KAZN: variants seen among roughly 807,000 people sequenced by gnomAD.
The protein encoded by KAZN is kazrin.
In KAZN, 40 loss-of-function variants were observed where a neutral mutation model predicts 87.4. The observed-to-expected ratio is 0.46, with a 90% confidence interval of 0.36 to 0.60. The LOEUF is 0.60. Among genes scored for constraint, KAZN ranks in the 20% least tolerant of loss-of-function variants. KAZN has a pLI of 0.00. For synonymous variants in KAZN, 466 were observed against 458.3 expected (o/e 1.02, Z -0.22); for missense variants, 898 against 1,073.9 (o/e 0.84, Z 2.29).
chr1:14,470,680 G>C (rs751951674), intron 2 of KAZN, among the ~76,000 whole-genome samples: 63 of 152,220 alleles, frequency 4.1e-4, no homozygotes, highest in Non-Finnish European at 8.7e-4. Flanking sequence ...TGCAGGAAAA[G>C]GAAGGTAGAG....
chr1:14,078,833 C>T lies in KAZN; in HGVS notation c.92-101602C>T, dbSNP rs556826209. Among the ~76,000 whole-genome samples the T allele has an allele frequency of 7.2e-5, 11 of 152,216 alleles. No individual in the cohort carries two copies. The South Asian group carries it at 1.0e-3, about 14-fold the overall frequency. On this transcript the variant is annotated intron_variant, in intron 1 of 16. Coordinates refer to the KAZN transcript ENST00000636203. ...CCTGGTAGCTGGGATTACAGGCACG[C>T]GCCACCACACCTGGCTAATTTTTAT...
intron 1 of KAZN, among the ~76,000 whole-genome samples, chr1:14,051,523 T>C (rs1642328598): frequency 6.6e-6 from 1 of 152,204 alleles, no homozygotes; most frequent in Non-Finnish European, 1.5e-5. Context: ...ATTATCTGTT[T>C]CTCTTCAACT....
intron 2 of KAZN, among the ~76,000 whole-genome samples, chr1:14,415,284 C>T (rs369838911): frequency 1.8e-4 from 27 of 151,748 alleles, no homozygotes; most frequent in African/African-American, 5.6e-4. Flanking sequence ...AGTATTAATC[C>T]GGACAATATG....
chr1:14,327,464 G>A (rs1178112892), intron 2 of KAZN, among the ~76,000 whole-genome samples: 2 of 152,022 alleles, frequency 1.3e-5, no homozygotes, highest in African/African-American at 4.8e-5. Flanking sequence ...CCCCTAGCGG[G>A]CCTCAGTCTC....
intron 2 of KAZN, among the ~76,000 whole-genome samples, chr1:14,578,094 C>T (rs1484620564): frequency 6.6e-6 from 1 of 152,080 alleles, no homozygotes; most frequent in African/African-American, 2.4e-5. Flanking sequence ...TCAATGAGCT[C>T]CTTCGGATTG....
At position 14,497,335 on chromosome 1, in the gene KAZN, T is replaced by TA. The variant is rs70997150; in HGVS notation, c.250-101620dup. 3.0e-3 allele frequency among the ~76,000 whole-genome samples: 227 copies of TA among 76,440 alleles called. 6 individuals carry two copies. The highest frequency in any genetic ancestry group is 0.023 in the East Asian group (42 of 1,822). 50.1% of individuals were successfully genotyped at this position (76,440 alleles called of 152,430 possible). ...TCTATGCTTTACTTAATTCTGTTAC[T>TA]AAAAAAAAAAAAAAAAAAAAAAAAA... On this transcript the variant is annotated intron_variant, in intron 2 of 16. Coordinates refer to the KAZN transcript ENST00000636203.
chr1:14,876,048 T>C (rs577198735), intron 1 of KAZN, among the ~76,000 whole-genome samples: 5 of 152,314 alleles, frequency 3.3e-5, no homozygotes, highest in Admixed American at 3.3e-4. Context: ...AAAGCAGTTG[T>C]TTGACTGAGG....
intron 8 of KAZN, among the ~76,000 whole-genome samples, chr1:15,074,884 T>G (rs1639670397): frequency 6.6e-6 from 1 of 152,142 alleles, no homozygotes; most frequent in Admixed American, 6.5e-5. Flanking sequence ...CAGGCCAATA[T>G]GTATACAAGG....
intron 1 of KAZN, among the ~76,000 whole-genome samples, chr1:13,895,368 G>A (rs748678270): frequency 1.3e-5 from 2 of 152,044 alleles, no homozygotes; most frequent in African/African-American, 2.4e-5. Flanking sequence ...AAGGCACGTC[G>A]GATTTCTAAA....
chr1:13,981,783 C>G (rs1288942820), intron 1 of KAZN, among the ~76,000 whole-genome samples: 5 of 152,116 alleles, frequency 3.3e-5, no homozygotes, highest in Admixed American at 3.3e-4. Context: ...CAGCAGGGGG[C>G]CCCTGTGGAA....
intron 2 of KAZN, among the ~76,000 whole-genome samples, chr1:14,507,447 A>C (rs764484450): frequency 6.6e-6 from 1 of 152,212 alleles, no homozygotes; most frequent in Non-Finnish European, 1.5e-5. Flanking sequence ...GTTTCTATGG[A>C]AACAAAAGTT....
At chr1:14,241,914 C>A (rs1165599665) in intron 2 of KAZN, among the ~76,000 whole-genome samples, 1 of 152,190 alleles carries the variant, frequency 6.6e-6, no homozygotes, top group Non-Finnish European at 1.5e-5. Flanking sequence ...TACCCCACCC[C>A]CAAAGTGTGC....
intron 1 of KAZN, among the ~76,000 whole-genome samples, chr1:13,950,934 A>C (rs578042510): frequency 6.6e-6 from 1 of 152,256 alleles, no homozygotes; most frequent in East Asian, 1.9e-4. Context: ...AAGATGTGAT[A>C]GTGTTGCAGT....
intron 1 of KAZN, among the ~76,000 whole-genome samples, chr1:14,105,398 A>G (rs1644346463): frequency 6.6e-6 from 1 of 152,150 alleles, no homozygotes; most frequent in Non-Finnish European, 1.5e-5. Flanking sequence ...AGCACATGCA[A>G]AGGCCCTGGG....
intron 2 of KAZN, among the ~76,000 whole-genome samples, chr1:14,288,230 A>G (rs961554638): frequency 6.6e-6 from 1 of 152,030 alleles, no homozygotes; most frequent in Non-Finnish European, 1.5e-5. Context: ...TTTTCTATTG[A>G]TTGGAATAGT....
Position 15,114,468 on chromosome 1 carries a change from C to T in KAZN, c.2164-3C>T, listed in dbSNP as rs1022449799. The T allele has an allele frequency of 1.9e-6, 3 of 1,607,112 alleles. No individual in the cohort carries two copies. The highest frequency in any genetic ancestry group is 2.6e-6 in the Non-Finnish European group (3 of 1,176,222). On this transcript the variant is annotated splice_polypyrimidine_tract_variant and splice_region_variant and intron_variant, in intron 14 of 14. Transcript: ENST00000376030. ...TCCTTTGATCATATTCTTCTCTTCT[C>T]AGCTGCCCCTGGGGAAGATAGGAAG... is the stretch of plus-strand genomic sequence containing the variant.
intron 1 of KAZN, among the ~76,000 whole-genome samples, chr1:14,131,823 C>G (rs1481939830): frequency 6.6e-6 from 1 of 152,084 alleles, no homozygotes; most frequent in East Asian, 1.9e-4. Context: ...TTCTACTTGG[C>G]TTTGTCCTCT....
chr1:14,511,907 GC>G (rs1670926618), intron 2 of KAZN, among the ~76,000 whole-genome samples: 1 of 152,106 alleles, frequency 6.6e-6, no homozygotes, highest in East Asian at 1.9e-4. Context: ...TTAAACATCA[GC>G]ATTCTAAAGA....
intron 1 of KAZN, among the ~76,000 whole-genome samples, chr1:13,933,368 T>G (rs1640601766): frequency 6.6e-6 from 1 of 152,098 alleles, no homozygotes; most frequent in Non-Finnish European, 1.5e-5. Context: ...GGCGCATGAC[T>G]GTAATCCCAG....
Sources: gnomAD v4.1 joint callset for allele counts (sites outside exome capture counted in the v4.1 genomes callset) on GRCh38, gnomAD v4.1.1 for gene constraint, MANE v1.5 for transcripts, NCBI Gene and HGNC (gene_info 2026-07-23, HGNC 2026-07-21) for gene names.